The following TENM3 variants were observed in gnomAD, a reference collection of about 807,000 sequenced individuals.
TENM3 encodes teneurin-3.
In TENM3, 63 loss-of-function variants were observed where a neutral mutation model predicts 255.1. That is an observed-to-expected ratio of 0.25 (90% CI 0.20 to 0.30). The LOEUF is 0.30. Ranked by LOEUF, TENM3 falls within the 10% of genes least tolerant of loss-of-function variation. The probability of loss-of-function intolerance (pLI) is 1.00; values close to 1 mark genes in which losing one functional copy is unlikely to be tolerated. For missense variants in TENM3, 2,929 were observed against 3,461.1 expected, an observed-to-expected ratio of 0.85 and a Z score of 3.86; for synonymous variants, 1,306 against 1,322.3, an observed-to-expected ratio of 0.99 and a Z score of 0.27.
At chr4:182,204,694 G>A (rs947152499) in intron 1 of TENM3, among the ~76,000 whole-genome samples, 2 of 152,068 alleles carry the variant, frequency 1.3e-5, no homozygotes, top group African/African-American at 2.4e-5. Context: ...TATGGCTCTT[G>A]CAGATTCCTG....
chr4:181,902,200 A>C, the TENM3 span, among the ~76,000 whole-genome samples: 28 of 147,330 alleles, frequency 1.9e-4, 1 homozygote, highest in African/African-American at 3.2e-4. Context: ...AAAAAAAAAA[A>C]CCCTATTAAA....
the TENM3 span, among the ~76,000 whole-genome samples, chr4:181,542,050 A>G: frequency 6.6e-6 from 1 of 152,206 alleles, no homozygotes; most frequent in Non-Finnish European, 1.5e-5. Flanking sequence ...AAGAAGTCTT[A>G]TGAACCCCTC....
the TENM3 span, among the ~76,000 whole-genome samples, chr4:181,847,701 ATT>A: frequency 1.3e-5 from 2 of 151,914 alleles, no homozygotes; most frequent in African/African-American, 2.4e-5. Flanking sequence ...TTATATATAA[ATT>A]ATATGTATTT....
chr4:181,700,839 G>A, the TENM3 span, among the ~76,000 whole-genome samples: 2 of 152,178 alleles, frequency 1.3e-5, no homozygotes, highest in Admixed American at 6.5e-5. Context: ...CATTTCTGAT[G>A]TGAACTAGAA....
At chr4:182,388,122 CT>C (rs1580379237) in intron 3 of TENM3, among the ~76,000 whole-genome samples, 4 of 152,108 alleles carry the variant, frequency 2.6e-5, no homozygotes, top group African/African-American at 9.7e-5. Context: ...ATCTGGGCAT[CT>C]GGGGTTGCTC....
the TENM3 span, among the ~76,000 whole-genome samples, chr4:181,698,019 C>T: frequency 6.6e-6 from 1 of 151,804 alleles, no homozygotes; most frequent in Non-Finnish European, 1.5e-5. Flanking sequence ...TTGAGACCGG[C>T]CTGGCCACCA....
intron 3 of TENM3, among the ~76,000 whole-genome samples, chr4:182,417,500 C>CT (rs1390462374): frequency 6.6e-6 from 1 of 151,782 alleles, no homozygotes; most frequent in Non-Finnish European, 1.5e-5. Context: ...TACTTGCATT[C>CT]TTTTTTTGTA....
At chr4:182,156,099 G>T (rs1406897690) in intron 1 of TENM3, among the ~76,000 whole-genome samples, 1 of 149,920 alleles carries the variant, frequency 6.7e-6, no homozygotes, top group Non-Finnish European at 1.5e-5. Context: ...GATAGAGGAA[G>T]ATTAAAGGAG....
At chr4:181,827,392 A>C in the TENM3 span, among the ~76,000 whole-genome samples, 38,792 of 152,198 alleles carry the variant, frequency 0.25, 5,998 homozygotes, top group Middle Eastern at 0.34. Context: ...ATCTGCAAAC[A>C]GTCGTGAGCA....
the TENM3 span, among the ~76,000 whole-genome samples, chr4:181,947,786 T>TATC: frequency 2.0e-5 from 3 of 152,186 alleles, no homozygotes; most frequent in African/African-American, 7.2e-5. Flanking sequence ...ATTAGTGCAG[T>TATC]ATCAGTGGCA....
the TENM3 span, among the ~76,000 whole-genome samples, chr4:181,957,897 A>G: frequency 6.6e-6 from 1 of 152,194 alleles, no homozygotes; most frequent in South Asian, 2.1e-4. Flanking sequence ...CTGGGATTAT[A>G]GTTTCGGATT....
the TENM3 span, among the ~76,000 whole-genome samples, chr4:181,705,937 A>G: frequency 6.6e-6 from 1 of 152,196 alleles, no homozygotes; most frequent in Non-Finnish European, 1.5e-5. Context: ...CTGGGCAACA[A>G]GAGCAAAACT....
intron 22 of TENM3, among the ~76,000 whole-genome samples, chr4:182,770,257 TC>T (rs1764085051): frequency 6.6e-6 from 1 of 152,090 alleles, no homozygotes; most frequent in Non-Finnish European, 1.5e-5. Flanking sequence ...CTGATTTTTT[TC>T]ATGGTTTGTA....
At chr4:181,540,398 A>G in the TENM3 span, among the ~76,000 whole-genome samples, 1 of 152,180 alleles carries the variant, frequency 6.6e-6, no homozygotes, top group East Asian at 1.9e-4. Context: ...TTGCTCCACC[A>G]TTACAGAGAT....
chr4:182,757,410 A>C (rs1762825120), intron 22 of TENM3, among the ~76,000 whole-genome samples: 1 of 151,452 alleles, frequency 6.6e-6, no homozygotes, highest in Admixed American at 6.6e-5. Flanking sequence ...TAGAGAAATA[A>C]GTTTTTAGTA....
At chr4:181,616,464 C>T in the TENM3 span, among the ~76,000 whole-genome samples, 1 of 147,542 alleles carries the variant, frequency 6.8e-6, no homozygotes, top group Admixed American at 6.8e-5. Flanking sequence ...GTAATATTAT[C>T]CATATAATTA....
intron 3 of TENM3, among the ~76,000 whole-genome samples, chr4:182,484,314 A>T (rs552376752): frequency 6.6e-6 from 1 of 152,300 alleles, no homozygotes; most frequent in East Asian, 1.9e-4. Context: ...TGGAGCTAGG[A>T]TTTGAACCCA....
intron 3 of TENM3, among the ~76,000 whole-genome samples, chr4:182,435,177 G>A (rs866283355): frequency 1.3e-5 from 2 of 152,120 alleles, no homozygotes; most frequent in African/African-American, 2.4e-5. Context: ...TGGTCTCTCC[G>A]GTTCCACGGT....
the TENM3 span, chr4:181,522,753 G>C: frequency 8.3e-6 from 6 of 721,210 alleles, no homozygotes; most frequent in Non-Finnish European, 1.6e-5. Context: ...TAAGAAAATG[G>C]ACCTGAGAGT....
Sources: allele counts gnomAD v4.1 joint callset (sites outside exome capture counted in the v4.1 genomes callset), GRCh38; gene constraint gnomAD v4.1.1; transcripts MANE v1.5; gene names NCBI Gene and HGNC (gene_info 2026-07-23, HGNC 2026-07-21).